Variants in AUTS2 observed in about 807,000 individuals in gnomAD.
AUTS2 encodes autism susceptibility gene 2 protein.
A neutral mutation model predicts 112.4 loss-of-function variants in AUTS2; 17 were observed. The observed-to-expected ratio is 0.15, with a 90% confidence interval of 0.10 to 0.23. The LOEUF is 0.23. Among genes scored for constraint, AUTS2 ranks in the 10% least tolerant of loss-of-function variants. The pLI, the probability that AUTS2 is intolerant of heterozygous loss-of-function variation, is 1.00. For synonymous variants in AUTS2, 751 were observed against 702.7 expected, an observed-to-expected ratio of 1.07 and a Z score of -1.09; for missense variants, 1,510 against 1,701.6, an observed-to-expected ratio of 0.89 and a Z score of 1.98.
intron 2 of AUTS2, among the ~76,000 whole-genome samples, chr7:70,016,247 T>C (rs1800022493): frequency 6.6e-6 from 1 of 152,188 alleles, no homozygotes; most frequent in Non-Finnish European, 1.5e-5. Context: ...AGGGAGTGTG[T>C]CATTTTAAGA....
chr7:69,971,334 A>G (rs752278425), intron 2 of AUTS2, among the ~76,000 whole-genome samples: 15 of 152,180 alleles, frequency 9.9e-5, no homozygotes, highest in Non-Finnish European at 1.9e-4. Flanking sequence ...TTTCTCATCT[A>G]TTAAATGAGG....
At chr7:70,515,647 C>A (rs1188940192) in intron 5 of AUTS2, among the ~76,000 whole-genome samples, 2 of 152,152 alleles carry the variant, frequency 1.3e-5, no homozygotes, top group African/African-American at 4.8e-5. Flanking sequence ...CTCCCTTTGG[C>A]TCTCACTTGT....
At chr7:70,741,700 AAAAG>A (rs958693456) in intron 6 of AUTS2, among the ~76,000 whole-genome samples, 12 of 152,020 alleles carry the variant, frequency 7.9e-5, no homozygotes, top group African/African-American at 2.7e-4. Context: ...TCAAAAAAAA[AAAAG>A]AAAGAAAAAA....
At chr7:69,665,190 A>T (rs1338990967) in intron 1 of AUTS2, among the ~76,000 whole-genome samples, 1 of 152,178 alleles carries the variant, frequency 6.6e-6, no homozygotes, top group African/African-American at 2.4e-5. Flanking sequence ...CACTTTGTTA[A>T]AAGATGGGGA....
intron 2 of AUTS2, among the ~76,000 whole-genome samples, chr7:69,943,222 C>T (rs988940802): frequency 6.6e-6 from 1 of 152,172 alleles, no homozygotes; most frequent in Admixed American, 6.5e-5. Flanking sequence ...ATACTACTGC[C>T]TACCTTCCAA....
chr7:69,964,365 GCTACC>G (rs1797550050), intron 2 of AUTS2, among the ~76,000 whole-genome samples: 1 of 152,138 alleles, frequency 6.6e-6, no homozygotes, highest in Non-Finnish European at 1.5e-5. Flanking sequence ...GGGCACATGT[GCTACC>G]CATTTGCGTG....
intron 13 of AUTS2, among the ~76,000 whole-genome samples, chr7:70,775,720 G>A (rs763425066): frequency 6.6e-6 from 1 of 152,158 alleles, no homozygotes; most frequent in Non-Finnish European, 1.5e-5. Context: ...CTTGCACTTA[G>A]AAAATATGTA....
At chr7:70,770,449 A>ATAAT (rs1790264423) in intron 10 of AUTS2, among the ~76,000 whole-genome samples, 1 of 152,262 alleles carries the variant, frequency 6.6e-6, no homozygotes, top group Admixed American at 6.5e-5. Flanking sequence ...TAATTTTGAC[A>ATAAT]TAATAAACCA....
intron 4 of AUTS2, among the ~76,000 whole-genome samples, chr7:70,386,871 A>G (rs1239297825): frequency 1.3e-5 from 2 of 152,216 alleles, no homozygotes; most frequent in Admixed American, 6.5e-5. Flanking sequence ...TGTAGGATGA[A>G]TGATCTGAAC....
intron 2 of AUTS2, among the ~76,000 whole-genome samples, chr7:69,901,278 C>A (rs995649132): frequency 2.0e-5 from 3 of 151,902 alleles, no homozygotes; most frequent in Admixed American, 1.3e-4. Context: ...AACCACCCCC[C>A]TCTCCCTCAG....
Position 69,886,656 on chromosome 7 carries a change from T to C in AUTS2, c.310-12630T>C, listed in dbSNP as rs1198709124. On this transcript the variant is annotated intron_variant, in intron 1 of 18. Transcript: ENST00000342771. Reference sequence around the variant, plus strand: ...CTAAATGGGCCACTCTGTGAAGTAGTTCTTTACTTCTAGCCACCACCCCTG... The same window carrying C: ...CTAAATGGGCCACTCTGTGAAGTAGCTCTTTACTTCTAGCCACCACCCCTG... Among the ~76,000 whole-genome samples the C allele has an allele frequency of 2.0e-5, 3 of 152,184 alleles. No homozygotes were observed. The East Asian group carries it at 5.8e-4, about 29-fold the overall frequency.
At chr7:70,036,203 GC>G (rs2129557187) in intron 2 of AUTS2, among the ~76,000 whole-genome samples, 2 of 152,342 alleles carry the variant, frequency 1.3e-5, no homozygotes, top group Admixed American at 1.3e-4. Context: ...GTGCTGGAAA[GC>G]CAGTGTGGCT....
chr7:69,637,326 T>C (rs1051205185), intron 1 of AUTS2, among the ~76,000 whole-genome samples: 1 of 152,240 alleles, frequency 6.6e-6, no homozygotes, highest in Non-Finnish European at 1.5e-5. Flanking sequence ...ATTGCAACAA[T>C]TTCCACTTTC....
intron 4 of AUTS2, among the ~76,000 whole-genome samples, chr7:70,332,206 T>C (rs1336475507): frequency 6.6e-6 from 1 of 152,138 alleles, no homozygotes; most frequent in East Asian, 1.9e-4. Flanking sequence ...TGAACTCCCA[T>C]TCACAATTGC....
intron 2 of AUTS2, among the ~76,000 whole-genome samples, chr7:70,033,344 G>A (rs183292383): frequency 6.6e-6 from 1 of 152,288 alleles, no homozygotes; most frequent in Admixed American, 6.5e-5. Context: ...AAAGTATAAT[G>A]TGTGTGATCC....
intron 2 of AUTS2, among the ~76,000 whole-genome samples, chr7:69,991,622 A>G (rs1238630221): frequency 2.6e-5 from 4 of 152,226 alleles, no homozygotes; most frequent in Non-Finnish European, 5.9e-5. Context: ...GAAGAAATAA[A>G]CGTTAGACAT....
chr7:69,779,124 C>G (rs547538649), intron 1 of AUTS2, among the ~76,000 whole-genome samples: 2 of 148,092 alleles, frequency 1.4e-5, no homozygotes, highest in East Asian at 4.0e-4. Context: ...ACTTCTTGGG[C>G]TCAAGTGATC....
chr7:70,787,585 C>CG (rs2129561104), intron 18 of AUTS2, among the ~76,000 whole-genome samples, 154 bp downstream of exon 18: 1 of 152,296 alleles, frequency 6.6e-6, no homozygotes, highest in Non-Finnish European at 1.5e-5. Context: ...CGCAGCCCCT[C>CG]GCAGTCCCCA....
intron 2 of AUTS2, among the ~76,000 whole-genome samples, chr7:70,022,630 A>G (rs2129555469): frequency 6.6e-6 from 1 of 152,138 alleles, no homozygotes; most frequent in Middle Eastern, 3.4e-3. Context: ...CTAAACTAAT[A>G]GATTTTCACA....
Sources: allele counts gnomAD v4.1 joint callset (sites outside exome capture counted in the v4.1 genomes callset), GRCh38; gene constraint gnomAD v4.1.1; transcripts MANE v1.5; gene names NCBI Gene and HGNC (gene_info 2026-07-23, HGNC 2026-07-21).